The following IQSEC1 variants were observed in gnomAD, a reference collection of about 807,000 sequenced individuals.
IQSEC1 encodes the protein IQ motif and Sec7 domain ArfGEF 1.
IQSEC1 carries 31 observed loss-of-function variants against 91.0 expected under a neutral mutation model. The ratio of observed to expected loss-of-function variants is 0.34; its 90% confidence interval spans 0.26 to 0.46. The LOEUF (loss-of-function observed/expected upper bound fraction) is 0.46, where lower values mean the gene tolerates loss of function less well. Ranked by LOEUF, IQSEC1 falls within the 20% of genes least tolerant of loss-of-function variation. The pLI is 1.00. For synonymous variants in IQSEC1, 699 were observed against 662.6 expected (o/e 1.05, Z -0.84); for missense variants, 1,388 against 1,575.6 (o/e 0.88, Z 2.02).
rs543049455 is a variant in IQSEC1 at position 13,225,024 on chromosome 3, A to G, written c.272+57687T>C. ...CATTGTGCCATTAGCAATACTGCCC[A>G]GCAGTAGTGAGACATTCTGCCTTTA... On this transcript the variant is annotated intron_variant, in intron 1 of 15. Coordinates refer to the IQSEC1 transcript ENST00000648114. Among the ~76,000 whole-genome samples, 95 of 152,370 alleles carry G rather than the reference A, an allele frequency of 6.2e-4. 2 individuals are homozygous for G. Among genetic ancestry groups the G allele is most frequent in the African/African-American group, 2.1e-3 (88 of 41,588 alleles).
intron 1 of IQSEC1, among the ~76,000 whole-genome samples, chr3:12,982,562 T>C (rs1365286233): frequency 6.6e-6 from 1 of 152,236 alleles, no homozygotes; most frequent in Admixed American, 6.5e-5. Flanking sequence ...AAAATGTTCT[T>C]AGCCACAACC....
chr3:13,131,443 T>G (rs1453103179), intron 2 of IQSEC1, among the ~76,000 whole-genome samples: 1 of 151,280 alleles, frequency 6.6e-6, no homozygotes, highest in Non-Finnish European at 1.5e-5. Flanking sequence ...TTGTACTTAA[T>G]GTGGTTATTG....
At chr3:13,089,697 G>T (rs890942690) in intron 2 of IQSEC1, among the ~76,000 whole-genome samples, 2 of 152,238 alleles carry the variant, frequency 1.3e-5, no homozygotes, top group Non-Finnish European at 2.9e-5. Flanking sequence ...CATCTTCTAT[G>T]ATTCGAATGG....
At chr3:13,011,071 T>C (rs972845443) in intron 1 of IQSEC1, among the ~76,000 whole-genome samples, 2 of 133,946 alleles carry the variant, frequency 1.5e-5, no homozygotes, top group Non-Finnish European at 3.4e-5. Context: ...GAAATTCACT[T>C]TTTTTTTTCT....
At chr3:13,262,230 T>C (rs1695402641) in intron 1 of IQSEC1, among the ~76,000 whole-genome samples, 1 of 152,226 alleles carries the variant, frequency 6.6e-6, no homozygotes, top group Non-Finnish European at 1.5e-5. Context: ...CCGGGGTCTG[T>C]GCGCTCAACA....
intron 1 of IQSEC1, among the ~76,000 whole-genome samples, chr3:13,002,523 GGTGA>G (rs1393348673): frequency 3.0e-4 from 45 of 149,456 alleles, no homozygotes; most frequent in Non-Finnish European, 5.5e-4. Flanking sequence ...TTCCAGCCTG[GGTGA>G]GTGAGTGAGA....
At chr3:13,124,511 A>G (rs996904003) in intron 2 of IQSEC1, among the ~76,000 whole-genome samples, 4 of 152,230 alleles carry the variant, frequency 2.6e-5, no homozygotes, top group Admixed American at 2.6e-4. Flanking sequence ...CTTTGATAAC[A>G]GAAAACAGAG....
In IQSEC1 at chr3:12,922,139, G is replaced by A. The variant is rs1445384593; in HGVS notation, c.1834C>T (p.Arg612Trp). The change falls in exon 5 of 14, where the codon CGG (arginine) becomes TGG (tryptophan). Residue 612 changes from arginine (R) to tryptophan (W), a missense_variant. Physicochemically the swap from Arg to Trp is moderately radical, Grantham distance 101. Coordinates refer to ENST00000613206, the MANE Select transcript of IQSEC1 (RefSeq NM_001134382.3). The surrounding 1 kb of genome is among the most constrained non-coding windows in gnomAD (Gnocchi z 5.1). ...RVQGEAQKVE[R>W]LIEAFSQRYC... ...CCCCACCTGAACGCCTCTATGAGCCGCTCCACTTTCTGAGCCTCCCCTTGG... is the reference window on the plus strand; with the variant it reads ...CCCCACCTGAACGCCTCTATGAGCCACTCCACTTTCTGAGCCTCCCCTTGG... 9 of 1,608,174 alleles carry A rather than the reference G, an allele frequency of 5.6e-6. No homozygotes were observed. Among genetic ancestry groups the A allele is most frequent in the African/African-American group, 2.7e-5 (2 of 74,720 alleles).
At chr3:13,175,227 G>A (rs954615648) in intron 1 of IQSEC1, among the ~76,000 whole-genome samples, 2 of 152,158 alleles carry the variant, frequency 1.3e-5, no homozygotes, top group Non-Finnish European at 2.9e-5. Flanking sequence ...TGACTCTAGA[G>A]AGGTTACTTC....
chr3:13,250,019 G>A (rs1695167868), intron 1 of IQSEC1, among the ~76,000 whole-genome samples: 1 of 152,222 alleles, frequency 6.6e-6, no homozygotes, highest in African/African-American at 2.4e-5. Context: ...CTAAGATTTT[G>A]CCTTTGATGT....
chr3:12,911,481 A>C, intron 10 of IQSEC1, 148 bp downstream of exon 10: 2 of 654,920 alleles, frequency 3.1e-6, no homozygotes, highest in Non-Finnish European at 2.8e-6. Context: ...CCTACAGCTC[A>C]CCGGAGCTCC....
At chr3:12,981,089 G>A (rs1017942783) in intron 1 of IQSEC1, among the ~76,000 whole-genome samples, 4 of 152,150 alleles carry the variant, frequency 2.6e-5, no homozygotes, top group East Asian at 1.9e-4. Flanking sequence ...ATGGATGAAC[G>A]AGGCCCCACA....
At chr3:13,065,286 T>C (rs1044780214) in intron 1 of IQSEC1, among the ~76,000 whole-genome samples, 3 of 152,208 alleles carry the variant, frequency 2.0e-5, no homozygotes, top group Non-Finnish European at 4.4e-5. Context: ...GAAGCACACA[T>C]ATAAATGCAC....
At position 12,899,384 on chromosome 3, in the gene IQSEC1, C is replaced by T. The variant is rs1021105818; in HGVS notation, c.*1599G>A. 11 of 1,612,856 alleles carry T rather than the reference C, an allele frequency of 6.8e-6. No individual in the cohort carries two copies. The African/African-American group carries it at 8.0e-5, about 12-fold the overall frequency. On this transcript the variant is annotated 3_prime_UTR_variant, in exon 14 of 14. Coordinates refer to ENST00000613206, the MANE Select transcript of IQSEC1 (RefSeq NM_001134382.3). Reference sequence around the variant, plus strand: ...GCGCCGGGGGGCAGTCCTCGGGTCCCATGGCTTAGGAGCACAGCACTGACG... The same window carrying T: ...GCGCCGGGGGGCAGTCCTCGGGTCCTATGGCTTAGGAGCACAGCACTGACG...
intron 1 of IQSEC1, among the ~76,000 whole-genome samples, chr3:13,063,100 C>T (rs1705124286): frequency 6.6e-6 from 1 of 152,208 alleles, no homozygotes; most frequent in African/African-American, 2.4e-5. Flanking sequence ...GGAGGGAGAG[C>T]CGGGACTCCT....
intron 1 of IQSEC1, among the ~76,000 whole-genome samples, chr3:12,966,085 G>T (rs73143366): frequency 0.04 from 6,143 of 152,276 alleles, 413 homozygotes; most frequent in African/African-American, 0.14. Flanking sequence ...GACAGCTGAT[G>T]GACTATGAGG....
intron 1 of IQSEC1, among the ~76,000 whole-genome samples, chr3:12,980,372 T>G (rs1374471680): frequency 6.6e-6 from 1 of 152,240 alleles, no homozygotes; most frequent in African/African-American, 2.4e-5. Flanking sequence ...TCTTCAGTCT[T>G]GAGACCCAGA....
chr3:12,917,286 C>T (rs150104187), intron 6 of IQSEC1, among the ~76,000 whole-genome samples: 18 of 152,312 alleles, frequency 1.2e-4, no homozygotes, highest in African/African-American at 4.1e-4. Context: ...GGGGTCCACT[C>T]CAGATGCTGT....
At chr3:13,089,148 C>T (rs1705793742) in intron 2 of IQSEC1, among the ~76,000 whole-genome samples, 1 of 152,262 alleles carries the variant, frequency 6.6e-6, no homozygotes, top group Non-Finnish European at 1.5e-5. Context: ...ACTGCCACAC[C>T]CCATCCTGGC....
Sources: allele counts gnomAD v4.1 joint callset (sites outside exome capture counted in the v4.1 genomes callset), GRCh38; gene constraint gnomAD v4.1.1; non-coding constraint Gnocchi (gnomAD v3.1); transcripts MANE v1.5; gene names NCBI Gene and HGNC (gene_info 2026-07-23, HGNC 2026-07-21).